Variants in RAB18 observed in about 807,000 individuals in gnomAD.
RAB18 encodes ras-related protein Rab-18.
Under a neutral mutation model 28.5 loss-of-function variants are expected in RAB18, and 10 were observed. That is an observed-to-expected ratio of 0.35 (90% CI 0.22 to 0.60). RAB18 has a LOEUF of 0.60. Ranked by LOEUF, RAB18 falls within the 20% of genes least tolerant of loss-of-function variation. RAB18 has a pLI of 0.78. For synonymous variants in RAB18, 93 were observed against 86.9 expected (o/e 1.07, Z -0.39); for missense variants, 188 against 244.2 (o/e 0.77, Z 1.53).
intron 3 of RAB18, among the ~76,000 whole-genome samples, chr10:27,527,423 C>T (rs996366974): frequency 2.0e-5 from 3 of 151,952 alleles, no homozygotes; most frequent in Admixed American, 6.6e-5. Context: ...CTAGCTAGAC[C>T]GCTCATGCTA....
intron 6 of RAB18, among the ~76,000 whole-genome samples, chr10:27,535,594 A>T (rs968817440): frequency 6.6e-6 from 1 of 152,220 alleles, no homozygotes; most frequent in Non-Finnish European, 1.5e-5. Flanking sequence ...TGATACTCTA[A>T]AAAGATCCTG....
At chr10:27,505,622 C>T (rs1174474416) in intron 1 of RAB18, among the ~76,000 whole-genome samples, 1 of 152,078 alleles carries the variant, frequency 6.6e-6, no homozygotes, top group African/African-American at 2.4e-5. Context: ...TGCAGTGGCG[C>T]GATCTCGGGT....
At chr10:27,517,928 T>C (rs1262682077) in intron 2 of RAB18, among the ~76,000 whole-genome samples, 1 of 152,172 alleles carries the variant, frequency 6.6e-6, no homozygotes, top group Non-Finnish European at 1.5e-5. Flanking sequence ...GAGAATGTCA[T>C]GTAAGTGGAG....
At chr10:27,512,490 G>T (rs543343707) in intron 2 of RAB18, among the ~76,000 whole-genome samples, 103 of 151,992 alleles carry the variant, frequency 6.8e-4, no homozygotes, top group African/African-American at 2.4e-3. Flanking sequence ...ATTTTTAGTA[G>T]AGATGGGTTT....
intron 3 of RAB18, among the ~76,000 whole-genome samples, chr10:27,529,503 C>A (rs546073916): frequency 6.6e-6 from 1 of 152,008 alleles, no homozygotes; most frequent in East Asian, 1.9e-4. Flanking sequence ...AAAGTGCATA[C>A]TCATCATGAC....
intron 3 of RAB18, chr10:27,531,399 T>C: frequency 7.3e-7 from 1 of 1,376,480 alleles, no homozygotes; most frequent in Non-Finnish European, 9.5e-7. Flanking sequence ...ATAAACCTCT[T>C]ACAGGTTATT....
chr10:27,529,357 T>C (rs1834742365), intron 3 of RAB18, among the ~76,000 whole-genome samples: 1 of 151,996 alleles, frequency 6.6e-6, no homozygotes, highest in Admixed American at 6.6e-5. Context: ...GTTTCCTCTG[T>C]ATTAGAAATA....
chr10:27,541,361 A>C lies in RAB18; in HGVS notation c.*3310A>C. On this transcript the variant is annotated 3_prime_UTR_variant, in exon 7 of 7. Coordinates refer to ENST00000356940, the MANE Select transcript of RAB18 (RefSeq NM_021252.5). ...ACCCAGGTCTTTTTTTTTTTTTTTAATTTTTCTCTCCTCAGTTGGGAACAT... is the reference window on the plus strand; with the variant it reads ...ACCCAGGTCTTTTTTTTTTTTTTTACTTTTTCTCTCCTCAGTTGGGAACAT... 2.4e-6 allele frequency: 1 copy of C among 422,036 alleles called. No individual in the cohort carries two copies. The allele number at this position is 422,036 out of a possible 1,614,324, so 26.1% of individuals were successfully genotyped here.
intron 3 of RAB18, among the ~76,000 whole-genome samples, chr10:27,530,927 A>G (rs1310464419): frequency 6.6e-6 from 1 of 152,012 alleles, no homozygotes. Flanking sequence ...GTCTCATGTT[A>G]TCAAAGTTAT....
At chr10:27,521,185 T>A (rs963504374) in intron 2 of RAB18, among the ~76,000 whole-genome samples, 6 of 152,136 alleles carry the variant, frequency 3.9e-5, no homozygotes, top group Non-Finnish European at 7.4e-5. Flanking sequence ...TTAATATGTA[T>A]TAAGACTTGT....
Position 27,540,256 on chromosome 10 carries a change from G to A in RAB18, c.*2205G>A, listed in dbSNP as rs747115552. 8.8e-6 allele frequency: 4 copies of A among 453,998 alleles called. No homozygotes were observed. Among genetic ancestry groups the A allele is most frequent in the South Asian group, 6.2e-5 (4 of 64,478 alleles). The allele number at this position is 453,998 out of a possible 1,614,324, so 28.1% of individuals were successfully genotyped here. A position where few individuals can be genotyped will look rare whatever the true frequency, so the allele number is the denominator to read the frequency against. On this transcript the variant is annotated 3_prime_UTR_variant, in exon 7 of 7. Coordinates refer to ENST00000356940, the MANE Select transcript of RAB18 (RefSeq NM_021252.5). ...ACCTCACAGCAACCTTAAGAGATTA[G>A]TACTCCTATTATGCCCATTTTAAAG... is the stretch of plus-strand genomic sequence containing the variant.
At chr10:27,519,086 C>T (rs1397215239) in intron 2 of RAB18, among the ~76,000 whole-genome samples, 1 of 151,408 alleles carries the variant, frequency 6.6e-6, no homozygotes, top group Non-Finnish European at 1.5e-5. Flanking sequence ...TGAAGAACAA[C>T]ACATAATAAA....
At chr10:27,529,772 A>G (rs1388025535) in intron 3 of RAB18, among the ~76,000 whole-genome samples, 1 of 152,022 alleles carries the variant, frequency 6.6e-6, no homozygotes, top group Non-Finnish European at 1.5e-5. Context: ...TCTAACTTCT[A>G]TTTAAGCATA....
intron 2 of RAB18, among the ~76,000 whole-genome samples, chr10:27,517,928 T>G (rs1262682077): frequency 1.3e-5 from 2 of 152,172 alleles, no homozygotes; most frequent in Non-Finnish European, 2.9e-5. Flanking sequence ...GAGAATGTCA[T>G]GTAAGTGGAG....
At chr10:27,517,558 C>T (rs938207371) in intron 2 of RAB18, among the ~76,000 whole-genome samples, 2 of 152,142 alleles carry the variant, frequency 1.3e-5, no homozygotes, top group Non-Finnish European at 2.9e-5. Flanking sequence ...TCAGACTTGA[C>T]AACAACAAAG....
At chr10:27,519,204 A>G (rs1834499740) in intron 2 of RAB18, among the ~76,000 whole-genome samples, 1 of 152,112 alleles carries the variant, frequency 6.6e-6, no homozygotes, top group South Asian at 2.1e-4. Context: ...AATATCACGT[A>G]ATCATCTCAA....
intron 1 of RAB18, among the ~76,000 whole-genome samples, chr10:27,508,726 A>G (rs1221154255): frequency 6.6e-6 from 1 of 152,204 alleles, no homozygotes; most frequent in Non-Finnish European, 1.5e-5. Context: ...AATCGTTCAA[A>G]TATATTTAAT....
chr10:27,528,816 G>C (rs1834730600), intron 3 of RAB18, among the ~76,000 whole-genome samples: 1 of 151,716 alleles, frequency 6.6e-6, no homozygotes, highest in Admixed American at 6.6e-5. Context: ...TTTTTTTTCA[G>C]TTTATACTCC....
Position 27,535,025 on chromosome 10 carries a change from TTAAA to T in RAB18, c.445+1035_445+1038del, listed in dbSNP as rs1368904064. On this transcript the variant is annotated intron_variant, in intron 6 of 6. Coordinates refer to ENST00000356940, the MANE Select transcript of RAB18 (RefSeq NM_021252.5). ...TTACATTCTAGTAAGGGAGACAGAC[TTAAA>T]TAAGTAAGTAGTGCTATGAAGGAAA... Among the ~76,000 whole-genome samples the T allele has an allele frequency of 2.4e-4, 37 of 152,296 alleles. No homozygotes were observed. In the East Asian group the frequency reaches 4.4e-3, roughly 18 times the overall value.
Sources: allele counts gnomAD v4.1 joint callset (sites outside exome capture counted in the v4.1 genomes callset), GRCh38; gene constraint gnomAD v4.1.1; transcripts MANE v1.5; gene names NCBI Gene and HGNC (gene_info 2026-07-23, HGNC 2026-07-21).